WDSUB1: variants seen among roughly 807,000 people sequenced by gnomAD.
WDSUB1 encodes WD repeat, SAM and U-box domain-containing protein 1.
Under a neutral mutation model 53.9 loss-of-function variants are expected in WDSUB1, and 49 were observed. The observed-to-expected ratio is 0.91, with a 90% CI of 0.72 to 1.15. The LOEUF (loss-of-function observed/expected upper bound fraction) is 1.15, where lower values mean the gene tolerates loss of function less well. Among genes scored for constraint, WDSUB1 ranks in the 50% most tolerant of loss-of-function variants. The pLI, the probability that WDSUB1 is intolerant of heterozygous loss-of-function variation, is 0.00. For synonymous variants in WDSUB1, 194 were observed against 200.6 expected (o/e 0.97, Z 0.28); for missense variants, 514 against 562.0 (o/e 0.91, Z 0.86).
At chr2:159,281,714 G>A (rs2061668788) in intron 2 of WDSUB1, among the ~76,000 whole-genome samples, 1 of 152,150 alleles carries the variant, frequency 6.6e-6, no homozygotes, top group East Asian at 1.9e-4. Context: ...GCTCATACCT[G>A]TAATCCCAGC....
chr2:159,259,769 C>T (rs747261994), intron 6 of WDSUB1, 41 bp downstream of exon 6: 26 of 1,492,616 alleles, frequency 1.7e-5, no homozygotes, highest in Admixed American at 1.1e-4. Flanking sequence ...GTCTAATAAA[C>T]ATAACTTTCA....
At chr2:159,258,929 T>C (rs1418782929) in intron 6 of WDSUB1, among the ~76,000 whole-genome samples, 1 of 152,220 alleles carries the variant, frequency 6.6e-6, no homozygotes, top group Non-Finnish European at 1.5e-5. Context: ...CTTAACTCGC[T>C]ACCCTTTGAT....
chr2:159,247,914 T>TATATATATAA (rs2060848401), intron 10 of WDSUB1, among the ~76,000 whole-genome samples: 9 of 65,800 alleles, frequency 1.4e-4, no homozygotes, highest in African/African-American at 4.6e-4. Flanking sequence ...TATATAAATA[T>TATATATATAA]ATATATATAT....
At chr2:159,268,191 G>A (rs1170329952) in intron 5 of WDSUB1, among the ~76,000 whole-genome samples, 1 of 152,170 alleles carries the variant, frequency 6.6e-6, no homozygotes, top group East Asian at 1.9e-4. Context: ...TCATCACTAT[G>A]AACATCAACT....
Position 159,282,689 on chromosome 2 carries a change from C to T in WDSUB1, c.381G>A (p.Gln127=). ...ADGTVVLWNA[Q]SYKLYRCGSV... Reference sequence around the variant, plus strand: ...ATCCATACCTATATAATTTGTATGACTGTGCATTCCACAAAACCACAGTTC... The same window carrying T: ...ATCCATACCTATATAATTTGTATGATTGTGCATTCCACAAAACCACAGTTC... The change falls in exon 2 of 11, where the codon CAG becomes CAA. Residue 127 remains glutamine (Q), a synonymous_variant. Transcript: ENST00000359774. The T allele has an allele frequency of 6.2e-7, 1 of 1,612,672 alleles. No homozygotes were observed. Among genetic ancestry groups the T allele is most frequent in the South Asian group, 1.1e-5 (1 of 91,058 alleles).
At chr2:159,239,158 C>G (rs1167922535) in intron 10 of WDSUB1, among the ~76,000 whole-genome samples, 1 of 152,138 alleles carries the variant, frequency 6.6e-6, no homozygotes, top group African/African-American at 2.4e-5. Context: ...TACACCACAA[C>G]ACCTGGCTAA....
In WDSUB1 at chr2:159,235,989, C is replaced by G; in HGVS notation, c.*44G>C. On this transcript the variant is annotated 3_prime_UTR_variant, in exon 11 of 11. Transcript: ENST00000359774. ...GATTAGTATTTACCTATAAATCATT[C>G]AAATGAGATCACTGAAAATATAAAT... is the stretch of plus-strand genomic sequence containing the variant. 6.5e-7 allele frequency: 1 copy of G among 1,533,028 alleles called. No individual in the cohort carries two copies. The highest frequency in any genetic ancestry group is 8.8e-7 in the Non-Finnish European group (1 of 1,140,494). 95.0% of individuals were successfully genotyped at this position (1,533,028 alleles called of 1,614,324 possible).
intron 5 of WDSUB1, among the ~76,000 whole-genome samples, chr2:159,268,661 A>G (rs77602681): frequency 0.04 from 6,128 of 152,324 alleles, 396 homozygotes; most frequent in African/African-American, 0.14. Flanking sequence ...ATCAGACAGG[A>G]AAGTTTTAGA....
intron 10 of WDSUB1, among the ~76,000 whole-genome samples, chr2:159,239,954 G>A (rs2060600197): frequency 6.6e-6 from 1 of 152,140 alleles, no homozygotes; most frequent in African/African-American, 2.4e-5. Flanking sequence ...ACTGCCTTTT[G>A]CTCTTTTTGA....
In WDSUB1 at chr2:159,256,304, A is replaced by G; in HGVS notation, c.1024T>C (p.Cys342Arg). Residue 342 changes from cysteine (C) to arginine (R), a missense_variant, in exon 9 of 11, where the codon TGT becomes CGT. Transcript: ENST00000359774. ...ACAAGATCTTTTAAATCTTGTGCAC[A>G]AAGCCATGTTGAGACATCCTCCTCT... ...WSEEDVSTWL[C>R]AQDLKDLVGI... 15 of 1,612,738 alleles carry G rather than the reference A, an allele frequency of 9.3e-6. No homozygotes were observed. Among genetic ancestry groups the G allele is most frequent in the Non-Finnish European group, 1.3e-5 (15 of 1,179,584 alleles).
Position 159,283,042 on chromosome 2 carries a change from C to T in WDSUB1, c.28G>A (p.Asp10Asn), listed in dbSNP as rs2061706943. MVKLIHTLA[D>N]HGDDVNCCAF... ...CAGCAGTTGACATCGTCACCATGAT[C>T]AGCTAATGTGTGAATCAGTTTCACC... Residue 10 changes from aspartate to asparagine, a missense_variant, in exon 2 of 11, where the codon GAT becomes AAT. Physicochemically the swap from Asp to Asn is conservative, Grantham distance 23 (BLOSUM62 1). Coordinates refer to ENST00000359774, the MANE Select transcript of WDSUB1 (RefSeq NM_001128212.3). 1.9e-6 allele frequency: 3 copies of T among 1,613,332 alleles called. No individual in the cohort carries two copies. The African/African-American group carries it at 4.0e-5, about 22-fold the overall frequency.
chr2:159,247,910 A>AAATATATAT (rs2060846923), intron 10 of WDSUB1, among the ~76,000 whole-genome samples: 8 of 17,680 alleles, frequency 4.5e-4, no homozygotes, highest in Non-Finnish European at 1.1e-3. Context: ...TATATATATA[A>AAATATATAT]ATATATATAT....
At chr2:159,253,068 C>G (rs1303144612) in intron 9 of WDSUB1, among the ~76,000 whole-genome samples, 1 of 152,154 alleles carries the variant, frequency 6.6e-6, no homozygotes, top group Non-Finnish European at 1.5e-5. Flanking sequence ...AAACTGAGGC[C>G]AATGAGTAGC....
intron 10 of WDSUB1, among the ~76,000 whole-genome samples, chr2:159,248,024 TTTATAA>T (rs1169990915): frequency 5.4e-5 from 8 of 147,948 alleles, no homozygotes; most frequent in Admixed American, 2.1e-4. Flanking sequence ...ATGATACAAC[TTTATAA>T]TTAAATTCTT....
intron 8 of WDSUB1, among the ~76,000 whole-genome samples, chr2:159,256,988 G>C (rs578114224): frequency 1.4e-4 from 22 of 152,150 alleles, no homozygotes; most frequent in Non-Finnish European, 3.1e-4. Context: ...TTCAACACTG[G>C]CTTCTGTAAA....
chr2:159,257,046 T>G (rs2061079600), intron 8 of WDSUB1, among the ~76,000 whole-genome samples: 1 of 152,170 alleles, frequency 6.6e-6, no homozygotes, highest in Non-Finnish European at 1.5e-5. Flanking sequence ...TTGCCCAGGC[T>G]GAAGTACAGT....
At chr2:159,283,971 C>A (rs1207021685) in intron 1 of WDSUB1, among the ~76,000 whole-genome samples, 1 of 152,084 alleles carries the variant, frequency 6.6e-6, no homozygotes, top group Non-Finnish European at 1.5e-5. Flanking sequence ...TGTCCCACCA[C>A]GCCCGGCTAA....
At chr2:159,244,389 A>AG in intron 10 of WDSUB1, among the ~76,000 whole-genome samples, 1 of 151,250 alleles carries the variant, frequency 6.6e-6, no homozygotes, top group East Asian at 1.9e-4. Flanking sequence ...CTGCTGATAA[A>AG]AAAAAAAAAA....
At chr2:159,239,007 G>C (rs1480774533) in intron 10 of WDSUB1, among the ~76,000 whole-genome samples, 3 of 152,000 alleles carry the variant, frequency 2.0e-5, no homozygotes, top group Non-Finnish European at 4.4e-5. Flanking sequence ...TTTGGTGTGT[G>C]TGGTTTTTTT....
Sources: gnomAD v4.1 joint callset for allele counts (sites outside exome capture counted in the v4.1 genomes callset) on GRCh38, gnomAD v4.1.1 for gene constraint, MANE v1.5 for transcripts, NCBI Gene and HGNC (gene_info 2026-07-23, HGNC 2026-07-21) for gene names.